Variants in SCN3A observed in about 807,000 individuals in gnomAD.
SCN3A encodes the protein sodium channel protein type 3 subunit alpha.
Under a neutral mutation model 187.6 loss-of-function variants are expected in SCN3A, and 60 were observed. The observed-to-expected ratio is 0.32, with a 90% CI of 0.26 to 0.40. The LOEUF (loss-of-function observed/expected upper bound fraction) is 0.40, where lower values mean the gene tolerates loss of function less well. SCN3A is among the 10% of genes least tolerant of loss of function. SCN3A has a pLI of 1.00. For synonymous variants in SCN3A, 788 were observed against 829.2 expected, an observed-to-expected ratio of 0.95 and a Z score of 0.85; for missense variants, 1,601 against 2,428.2, an observed-to-expected ratio of 0.66 and a Z score of 7.16.
In SCN3A at chr2:165,090,302, C is replaced by G. The variant is rs1404096883; in HGVS notation, c.5851G>C (p.Gly1951Arg). The G allele has an allele frequency of 6.2e-7, 1 of 1,613,100 alleles. No homozygotes were observed. The highest frequency in any genetic ancestry group is 2.2e-5 in the East Asian group (1 of 44,872). Residue 1951 changes from glycine (G) to arginine (R), a missense_variant, in exon 28 of 28, where the codon GGG becomes CGG. Physicochemically the swap from Gly to Arg is moderately radical, Grantham distance 125 (BLOSUM62 -2). Around this residue, in one of 11 missense-constraint regions of SCN3A, gnomAD observed 87 missense variants for 89.2 expected, o/e 0.98. Coordinates refer to ENST00000283254, the MANE Select transcript of SCN3A (RefSeq NM_006922.4). This position sits in a 1 kb window ranked among gnomAD's most constrained non-coding sequence, Gnocchi z 4.0. ...KQDMIIDKLN[G>R]NSTPEKTDGS... is the part of the protein sequence containing the mutation. Reference sequence around the variant, plus strand: ...TCTGTTTTTTCTGGAGTGGAGTTCCCATTTAGTTTGTCAATAATCATGTCT... The same window carrying G: ...TCTGTTTTTTCTGGAGTGGAGTTCCGATTTAGTTTGTCAATAATCATGTCT...
intron 9 of SCN3A, among the ~76,000 whole-genome samples, chr2:165,156,512 CAAAAAAAAAAAAAAAAAAAAAAA>C (rs558407270): frequency 1.6e-4 from 10 of 63,702 alleles, no homozygotes; most frequent in Admixed American, 1.3e-3. Context: ...GACTCTGACT[CAAAAAAAAAAAAAAAAAAAAAAA>C]AAAAAAAAAA....
At chr2:165,156,645 C>T (rs1291928947) in intron 9 of SCN3A, among the ~76,000 whole-genome samples, 2 of 145,436 alleles carry the variant, frequency 1.4e-5, no homozygotes, top group Non-Finnish European at 3.0e-5. Context: ...ATATTTATAA[C>T]AATTTTTTAT....
At chr2:165,162,406 A>G (rs1449847511) in intron 8 of SCN3A, 35 bp from the exon 9 acceptor site, 2 of 1,605,294 alleles carry the variant, frequency 1.2e-6, no homozygotes, top group South Asian at 1.1e-5. Context: ...TTTATTTCAT[A>G]TTAATCCTAT....
intron 18 of SCN3A, among the ~76,000 whole-genome samples, chr2:165,125,918 A>T (rs1383376473): frequency 6.6e-6 from 1 of 152,250 alleles, no homozygotes; most frequent in Non-Finnish European, 1.5e-5. Flanking sequence ...TGGAATTCAG[A>T]GAAAAAATAT....
chr2:165,140,588 C>T lies in SCN3A; in HGVS notation c.2019+63G>A. On this transcript the variant is annotated intron_variant, in intron 13 of 27. Coordinates refer to ENST00000283254, the MANE Select transcript of SCN3A (RefSeq NM_006922.4). This position sits in a 1 kb window ranked among gnomAD's most constrained non-coding sequence, Gnocchi z 4.2. ...AGGACGGTATGACAGCCTAAACTGT[C>T]CAGGCTTTGATTATTTCAAATTGGT... is the stretch of plus-strand genomic sequence containing the variant. The T allele has an allele frequency of 4.8e-6, 7 of 1,445,520 alleles. No homozygotes were observed. In the South Asian group the frequency reaches 8.0e-5, roughly 17 times the overall value. The allele number at this position is 1,445,520 out of a possible 1,614,324, so 89.5% of individuals were successfully genotyped here. A position where few individuals can be genotyped will look rare whatever the true frequency, so the allele number is the denominator to read the frequency against.
Position 165,192,696 on chromosome 2 carries a change from CAT to C in SCN3A, c.-247-5951_-247-5950del, listed in dbSNP as rs1489103680. Among the ~76,000 whole-genome samples the C allele has an allele frequency of 2.6e-5, 4 of 152,268 alleles. No individual in the cohort carries two copies. The East Asian group carries it at 7.7e-4, about 29-fold the overall frequency. ...AAAATGTTCACGCTGTCTGAAATAT[CAT>C]TGACCACCAACTGTCACCTCTTAAA... On this transcript the variant is annotated intron_variant, in intron 1 of 27. Transcript: ENST00000283254.
intron 11 of SCN3A, among the ~76,000 whole-genome samples, chr2:165,153,803 T>G (rs1464196228): frequency 1.3e-5 from 2 of 152,002 alleles, no homozygotes; most frequent in African/African-American, 2.4e-5. Flanking sequence ...TCTTCACCTT[T>G]CAGTATATGG....
At chr2:165,196,941 A>G (rs753389454) in intron 1 of SCN3A, among the ~76,000 whole-genome samples, 3 of 152,168 alleles carry the variant, frequency 2.0e-5, no homozygotes, top group Non-Finnish European at 4.4e-5. Context: ...TAAGTAAGAA[A>G]TAAATCAGTG....
intron 25 of SCN3A, among the ~76,000 whole-genome samples, chr2:165,094,837 A>C (rs970690910): frequency 6.6e-6 from 1 of 152,222 alleles, no homozygotes; most frequent in Non-Finnish European, 1.5e-5. Flanking sequence ...TGTGCTAGAC[A>C]ATGTGCTGGG....
At chr2:165,198,522 G>T (rs1263568900) in intron 1 of SCN3A, among the ~76,000 whole-genome samples, 4 of 152,004 alleles carry the variant, frequency 2.6e-5, no homozygotes, top group Admixed American at 2.6e-4. Context: ...TGAAATAGAT[G>T]ATTCCATTTA....
intron 15 of SCN3A, among the ~76,000 whole-genome samples, chr2:165,132,676 C>G (rs1232035110): frequency 6.6e-6 from 1 of 152,132 alleles, no homozygotes; most frequent in Non-Finnish European, 1.5e-5. Context: ...GCCATAAAAA[C>G]CCTAGAAGAA....
chr2:165,126,429 CCCT>C (rs540259880), intron 18 of SCN3A, among the ~76,000 whole-genome samples: 4 of 148,988 alleles, frequency 2.7e-5, no homozygotes, highest in South Asian at 2.1e-4. Context: ...TTTCTTTCTT[CCCT>C]TCCTTCCTTT....
In SCN3A at chr2:165,089,910, T is replaced by A; in HGVS notation, c.*240A>T. The A allele has an allele frequency of 1.9e-6, 1 of 539,264 alleles. No individual in the cohort carries two copies. The highest frequency in any genetic ancestry group is 3.3e-6 in the Non-Finnish European group (1 of 304,326). 33.4% of individuals were successfully genotyped at this position (539,264 alleles called of 1,614,324 possible). On this transcript the variant is annotated 3_prime_UTR_variant, in exon 28 of 28. Coordinates refer to ENST00000283254, the MANE Select transcript of SCN3A (RefSeq NM_006922.4). The stretch of plus-strand genomic sequence containing the variant: ...CCCTATAGTCTAGGTAGCCATTGGG[T>A]TTCTCCTCAGCAGTGTCAGCTGGTA...
chr2:165,129,604 CAA>C (rs1424989401), intron 17 of SCN3A, among the ~76,000 whole-genome samples: 1 of 152,102 alleles, frequency 6.6e-6, no homozygotes, highest in Non-Finnish European at 1.5e-5. Flanking sequence ...CTTATCAAAA[CAA>C]TATTAGGATA....
Position 165,097,498 on chromosome 2 carries a change from T to C in SCN3A, c.3993A>G (p.Ala1331=), listed in dbSNP as rs761881338. Residue 1331 remains alanine (A), a synonymous_variant, in exon 23 of 28, where the codon GCA becomes GCG. Transcript: ENST00000283254. The stretch of plus-strand genomic sequence containing the variant: ...ACAGCACATTCATGATAGAGGGAAT[T>C]GCTCCAACAAGAGCATTCACAACCA... ...MRVVVNALVG[A]IPSIMNVLLV... The C allele has an allele frequency of 6.2e-7, 1 of 1,614,052 alleles. No individual in the cohort carries two copies. Among genetic ancestry groups the C allele is most frequent in the Admixed American group, 1.7e-5 (1 of 60,020 alleles).
rs545890318 is a variant in SCN3A, at chr2:165,156,038, T to C, written c.1032-135A>G. 7.1e-5 allele frequency: 73 copies of C among 1,023,624 alleles called. No individual in the cohort carries two copies. In the African/African-American group the frequency reaches 1.1e-3, roughly 15 times the overall value. 63.4% of individuals were successfully genotyped at this position (1,023,624 alleles called of 1,614,324 possible). On this transcript the variant is annotated intron_variant, in intron 9 of 27. Coordinates refer to ENST00000283254, the MANE Select transcript of SCN3A (RefSeq NM_006922.4). ...TCTTGCTTTAATTTCCAGAACACTT[T>C]AGGTGATTGCCCACCGTGAAACTTA... is the stretch of plus-strand genomic sequence containing the variant.
chr2:165,097,177 CGAA>C (rs1559180361), intron 23 of SCN3A, 72 bp downstream of exon 23: 3 of 1,561,162 alleles, frequency 1.9e-6, no homozygotes, highest in African/African-American at 1.4e-5. Context: ...GTCATTCAAA[CGAA>C]GAACATCAGG....
intron 5 of SCN3A, among the ~76,000 whole-genome samples, chr2:165,167,701 G>T (rs982200821): frequency 6.6e-6 from 1 of 151,996 alleles, no homozygotes; most frequent in African/African-American, 2.4e-5. Context: ...TTACGATAAA[G>T]AAATTGTGTT....
chr2:165,181,480 G>A (rs114569366), intron 2 of SCN3A, among the ~76,000 whole-genome samples: 2,507 of 152,138 alleles, frequency 0.016, 64 homozygotes, highest in African/African-American at 0.049. Context: ...TCCAAAAATC[G>A]CATTTGTTAC....
Sources: allele counts gnomAD v4.1 joint callset (sites outside exome capture counted in the v4.1 genomes callset), GRCh38; gene constraint gnomAD v4.1.1; regional missense constraint gnomAD v4.1.1; non-coding constraint Gnocchi (gnomAD v3.1); transcripts MANE v1.5; gene names NCBI Gene and HGNC (gene_info 2026-07-23, HGNC 2026-07-21).